Variants in MRPL1 observed in about 807,000 individuals in gnomAD.
MRPL1 encodes mitochondrial ribosomal protein L1.
In MRPL1, 28 loss-of-function variants were observed where a neutral mutation model predicts 38.0. That is an observed-to-expected ratio of 0.74 (90% CI 0.55 to 1.01). The LOEUF (loss-of-function observed/expected upper bound fraction) is 1.01, where lower values mean the gene tolerates loss of function less well. Ranked by LOEUF, MRPL1 falls within the 50% of genes least tolerant of loss-of-function variation. The pLI, the probability that MRPL1 is intolerant of heterozygous loss-of-function variation, is 0.00. For synonymous variants in MRPL1, 123 were observed against 126.7 expected, an observed-to-expected ratio of 0.97 and a Z score of 0.20; for missense variants, 358 against 389.8, an observed-to-expected ratio of 0.92 and a Z score of 0.69.
chr4:77,931,913 A>T (rs1736853881), intron 7 of MRPL1, among the ~76,000 whole-genome samples: 1 of 151,990 alleles, frequency 6.6e-6, no homozygotes, highest in Non-Finnish European at 1.5e-5. Flanking sequence ...TCATCTGTTC[A>T]CGCAGCGCTG....
rs527346600 is a variant in MRPL1, at chr4:77,907,403, G to T, written c.671-1863G>T. 2.0e-5 allele frequency among the ~76,000 whole-genome samples: 3 copies of T among 151,972 alleles called. No homozygotes were observed. In the East Asian group the frequency reaches 5.8e-4, roughly 29 times the overall value. ...AGTTGCATCCCTTTCTCTACCTAAT[G>T]GAGGACAAAGTGACATTAGAATCCA... On this transcript the variant is annotated intron_variant, in intron 6 of 8. Coordinates refer to ENST00000315567, the MANE Select transcript of MRPL1 (RefSeq NM_020236.4).
chr4:77,940,031 TTCTGG>T (rs1373713294), intron 7 of MRPL1, among the ~76,000 whole-genome samples: 1 of 152,218 alleles, frequency 6.6e-6, no homozygotes, highest in Non-Finnish European at 1.5e-5. Flanking sequence ...TGTGGGCTCA[TTCTGG>T]TTCCATATAA....
Position 77,887,253 on chromosome 4 carries a change from G to T in MRPL1, c.520G>T (p.Gly174Ter). ...ASEVKIAEEN[G>*]AAFAGGTSLI... is the part of the protein sequence containing the mutation. ...AGAGGTCAAAATAGCGGAAGAAAAT[G>T]GAGCTGCATTTGCAGGAGGCACTAG... Residue 174 changes from glycine to a stop codon, truncating the protein, a stop_gained, in exon 5 of 9, where the codon GGA becomes TGA. Coordinates refer to ENST00000315567, the MANE Select transcript of MRPL1 (RefSeq NM_020236.4). LOFTEE classifies it high-confidence loss of function. The T allele has an allele frequency of 1.2e-6, 2 of 1,613,990 alleles. No individual in the cohort carries two copies. The highest frequency in any genetic ancestry group is 1.7e-6 in the Non-Finnish European group (2 of 1,179,864).
At chr4:77,935,736 T>C (rs1413912846) in intron 7 of MRPL1, among the ~76,000 whole-genome samples, 2 of 152,004 alleles carry the variant, frequency 1.3e-5, no homozygotes, top group African/African-American at 4.8e-5. Context: ...CATTAAGAAG[T>C]AAACTGTGGG....
At chr4:77,930,181 C>T (rs546006193) in intron 7 of MRPL1, among the ~76,000 whole-genome samples, 2 of 152,204 alleles carry the variant, frequency 1.3e-5, no homozygotes, top group Middle Eastern at 3.4e-3. Flanking sequence ...CAGGAGAAAC[C>T]GTCCAGTTAT....
intron 6 of MRPL1, among the ~76,000 whole-genome samples, chr4:77,898,392 TTGAATGAATGAATGAATGAA>T (rs35144776): frequency 6.6e-6 from 1 of 150,844 alleles, no homozygotes; most frequent in Non-Finnish European, 1.5e-5. Flanking sequence ...CTACAAATAT[TTGAATGAATGAATGAATGAA>T]TGAATGAATG....
At chr4:77,950,389 T>G (rs1425529872) in intron 8 of MRPL1, among the ~76,000 whole-genome samples, 5 of 152,134 alleles carry the variant, frequency 3.3e-5, no homozygotes, top group African/African-American at 9.7e-5. Flanking sequence ...GTGGAAGCTG[T>G]GTAGTAGGCT....
At chr4:77,875,229 A>G (rs1735365466) in intron 2 of MRPL1, among the ~76,000 whole-genome samples, 5 of 152,234 alleles carry the variant, frequency 3.3e-5, no homozygotes, top group Admixed American at 3.3e-4. Context: ...TCTGTGATAC[A>G]ACTTCTGATT....
At chr4:77,950,669 C>T (rs1467823925) in intron 8 of MRPL1, among the ~76,000 whole-genome samples, 1 of 152,100 alleles carries the variant, frequency 6.6e-6, no homozygotes, top group Non-Finnish European at 1.5e-5. Flanking sequence ...TTTTCTTGCC[C>T]TAAATATGGC....
chr4:77,886,387 T>C (rs1735676670), intron 4 of MRPL1, among the ~76,000 whole-genome samples: 1 of 152,100 alleles, frequency 6.6e-6, no homozygotes, highest in Admixed American at 6.6e-5. Flanking sequence ...CAGGCTGGAA[T>C]GCAATGGCGT....
intron 7 of MRPL1, among the ~76,000 whole-genome samples, chr4:77,921,535 G>A (rs915754293): frequency 6.6e-6 from 1 of 152,118 alleles, no homozygotes; most frequent in Non-Finnish European, 1.5e-5. Flanking sequence ...AAAAAAAGGG[G>A]ATTGAGCTTT....
At chr4:77,865,885 ACT>A (rs1199210282) in intron 1 of MRPL1, among the ~76,000 whole-genome samples, 2 of 152,012 alleles carry the variant, frequency 1.3e-5, no homozygotes, top group Non-Finnish European at 2.9e-5. Flanking sequence ...TGTGCTCAGA[ACT>A]CTGCAAAGCC....
intron 7 of MRPL1, among the ~76,000 whole-genome samples, chr4:77,937,653 C>G (rs1737018932): frequency 6.6e-6 from 1 of 152,162 alleles, no homozygotes; most frequent in African/African-American, 2.4e-5. Context: ...TTGGCTTCTG[C>G]TGCCTCTTGG....
intron 2 of MRPL1, among the ~76,000 whole-genome samples, chr4:77,881,503 A>T (rs1735540426): frequency 6.9e-6 from 1 of 144,312 alleles, no homozygotes; most frequent in African/African-American, 2.6e-5. Context: ...GAGTGCACTG[A>T]CATAATCAGC....
intron 7 of MRPL1, among the ~76,000 whole-genome samples, chr4:77,928,347 G>T (rs1250656562): frequency 6.6e-6 from 1 of 152,110 alleles, no homozygotes; most frequent in Non-Finnish European, 1.5e-5. Flanking sequence ...GAAGCAACTG[G>T]GTCCATAGGT....
chr4:77,936,063 T>G (rs1736967398), intron 7 of MRPL1, among the ~76,000 whole-genome samples: 1 of 152,174 alleles, frequency 6.6e-6, no homozygotes, highest in Admixed American at 6.5e-5. Context: ...GTGAAATATT[T>G]AGAAAATACT....
intron 7 of MRPL1, among the ~76,000 whole-genome samples, chr4:77,946,977 T>C (rs902358785): frequency 6.7e-6 from 1 of 149,962 alleles, no homozygotes; most frequent in Admixed American, 6.7e-5. Context: ...TATTTTGCCC[T>C]GAGATGAATT....
At chr4:77,863,119 C>T (rs979528820) in intron 1 of MRPL1, 3 of 560,780 alleles carry the variant, frequency 5.3e-6, no homozygotes, top group Admixed American at 7.0e-5. Context: ...CGAGCGCCCT[C>T]CAGCCACCTA....
chr4:77,906,113 G>T (rs1311604236), intron 6 of MRPL1, among the ~76,000 whole-genome samples: 1 of 152,196 alleles, frequency 6.6e-6, no homozygotes, highest in African/African-American at 2.4e-5. Context: ...TGATCCCTGA[G>T]GTAGTTCAAC....
Sources: gnomAD v4.1 joint callset for allele counts (sites outside exome capture counted in the v4.1 genomes callset) on GRCh38, gnomAD v4.1.1 for gene constraint, MANE v1.5 for transcripts, NCBI Gene and HGNC (gene_info 2026-07-23, HGNC 2026-07-21) for gene names.